USP42: variants seen among roughly 807,000 people sequenced by gnomAD.
USP42 encodes the protein ubiquitin carboxyl-terminal hydrolase 42.
USP42 carries 23 observed loss-of-function variants against 113.0 expected under a neutral mutation model. The ratio of observed to expected loss-of-function variants is 0.20; its 90% CI spans 0.15 to 0.29. The LOEUF is 0.29. USP42 is among the 10% of genes least tolerant of loss of function. The pLI is 1.00. For missense variants in USP42, 2,174 were observed against 1,779.8 expected (o/e 1.22, Z -3.99); for synonymous variants, 933 against 699.0 (o/e 1.33, Z -5.28).
intron 3 of USP42, among the ~76,000 whole-genome samples, chr7:6,119,491 T>A (rs1290982640): frequency 6.6e-6 from 1 of 152,122 alleles, no homozygotes; most frequent in African/African-American, 2.4e-5. Flanking sequence ...AAAAAGTTGT[T>A]CTGGCTCTTC....
upstream of USP42, among the ~76,000 whole-genome samples, chr7:6,102,298 G>C (rs1291642349): frequency 1.0e-4 from 15 of 149,710 alleles, no homozygotes; most frequent in Admixed American, 9.9e-4. Context: ...ATTTTTAGTA[G>C]AGACAGAGTT....
intron 14 of USP42, among the ~76,000 whole-genome samples, chr7:6,153,207 A>T (rs1185613436): frequency 6.6e-6 from 1 of 151,842 alleles, no homozygotes; most frequent in Non-Finnish European, 1.5e-5. Context: ...CAGGAGATGG[A>T]GGTTGCAGGG....
At chr7:6,125,389 C>A (rs774959874) in intron 3 of USP42, among the ~76,000 whole-genome samples, 73 of 152,102 alleles carry the variant, frequency 4.8e-4, no homozygotes, top group Non-Finnish European at 8.8e-4. Context: ...ACTTCGGAGA[C>A]TGAGGTGGGA....
chr7:6,141,087 G>T, intron 7 of USP42, 103 bp downstream of exon 7: 1 of 510,110 alleles, frequency 2.0e-6, no homozygotes. Flanking sequence ...AATATAAATT[G>T]AAAAATTCAA....
chr7:6,139,548 C>G lies in USP42; in HGVS notation c.656+354C>G, dbSNP rs1781332711. ...TTTTCTTTTCTCTGCTGCCCTCCAG[C>G]CTGTGTTTATTTCCTGAACCCCCAC... is the stretch of plus-strand genomic sequence containing the variant. On this transcript the variant is annotated intron_variant, in intron 5 of 17. Coordinates refer to ENST00000306177, the MANE Select transcript of USP42 (RefSeq NM_032172.3). The surrounding 1 kb of genome is among the most constrained non-coding windows in gnomAD (Gnocchi z 4.5). The G allele has an allele frequency of 9.6e-6, 2 of 208,656 alleles. No individual in the cohort carries two copies. The highest frequency in any genetic ancestry group is 1.9e-5 in the Non-Finnish European group (2 of 104,984). 12.9% of individuals were successfully genotyped at this position (208,656 alleles called of 1,614,324 possible). A position where few individuals can be genotyped will look rare whatever the true frequency, so the allele number is the denominator to read the frequency against.
At position 6,138,957 on chromosome 7, in the gene USP42, T is replaced by A. The variant is rs1781304897; in HGVS notation, c.554-135T>A. 3 of 591,102 alleles carry A rather than the reference T, an allele frequency of 5.1e-6. No individual in the cohort carries two copies. In the South Asian group the frequency reaches 7.2e-5, roughly 14 times the overall value. 36.6% of individuals were successfully genotyped at this position (591,102 alleles called of 1,614,324 possible). On this transcript the variant is annotated intron_variant, in intron 4 of 17. Transcript: ENST00000306177. ...TTATAGCTTATATTAGTGGCTTATG[T>A]TAGTGCTATTTCCTCATAAAGTAAG...
chr7:6,123,551 A>G (rs912822939), intron 3 of USP42, among the ~76,000 whole-genome samples: 3 of 150,546 alleles, frequency 2.0e-5, no homozygotes, highest in Non-Finnish European at 4.4e-5. Context: ...AGTCCCAGCT[A>G]CTCGGGAGGC....
chr7:6,092,054 T>TTCTTTCTTCTTC, the USP42 span, among the ~76,000 whole-genome samples: 1 of 37,908 alleles, frequency 2.6e-5, no homozygotes, highest in East Asian at 3.9e-4. Flanking sequence ...CTTCTTCTTC[T>TTCTTTCTTCTTC]TTCTTCTTCT....
At chr7:6,109,580 G>C (rs1254719772) in intron 1 of USP42, among the ~76,000 whole-genome samples, 1 of 151,926 alleles carries the variant, frequency 6.6e-6, no homozygotes, top group Admixed American at 6.6e-5. Flanking sequence ...TTTTAGTAGA[G>C]ATGGGGTTTC....
intron 2 of USP42, among the ~76,000 whole-genome samples, chr7:6,112,988 C>G (rs778947632): frequency 6.8e-6 from 1 of 146,582 alleles, no homozygotes; most frequent in Non-Finnish European, 1.5e-5. Flanking sequence ...ACTGCAATCT[C>G]TGCCTGCTGG....
intron 4 of USP42, among the ~76,000 whole-genome samples, chr7:6,137,799 G>T (rs1383454069): frequency 6.6e-6 from 1 of 152,118 alleles, no homozygotes; most frequent in South Asian, 2.1e-4. Flanking sequence ...TCCTGCGTCA[G>T]CCTCCTGAGT....
At chr7:6,092,137 T>TTCTTCC in the USP42 span, among the ~76,000 whole-genome samples, 1 of 145,528 alleles carries the variant, frequency 6.9e-6, no homozygotes, top group Non-Finnish European at 1.5e-5. Flanking sequence ...CTTCTTCTTC[T>TTCTTCC]TCTTCCTCTT....
At position 6,159,572 on chromosome 7, in the gene USP42, G is replaced by A. The variant is rs879065251; in HGVS notation, c.*36+79G>A. 5 of 1,413,676 alleles carry A rather than the reference G, an allele frequency of 3.5e-6. No homozygotes were observed. Among genetic ancestry groups the A allele is most frequent in the South Asian group, 2.4e-5 (2 of 82,544 alleles). 87.6% of individuals were successfully genotyped at this position (1,413,676 alleles called of 1,614,324 possible). A position where few individuals can be genotyped will look rare whatever the true frequency, so the allele number is the denominator to read the frequency against. On this transcript the variant is annotated intron_variant, in intron 17 of 17. Coordinates refer to ENST00000306177, the MANE Select transcript of USP42 (RefSeq NM_032172.3). This position sits in a 1 kb window ranked among gnomAD's most constrained non-coding sequence, Gnocchi z 4.1. ...GCAGGCAGAGGAGTTTTAATTCTGC[G>A]GCTCTGCCTGGGGGCTGGGCTCATA...
intron 3 of USP42, among the ~76,000 whole-genome samples, chr7:6,125,910 A>G (rs1780518409): frequency 1.3e-5 from 2 of 152,064 alleles, no homozygotes; most frequent in African/African-American, 4.8e-5. Flanking sequence ...TGCACTTGTA[A>G]GAAATAATAT....
At chr7:6,148,745 C>T (rs1288248791) in intron 12 of USP42, among the ~76,000 whole-genome samples, 4 of 152,146 alleles carry the variant, frequency 2.6e-5, no homozygotes, top group Admixed American at 1.3e-4. Context: ...ATCACACACA[C>T]GGTCTAGCTG....
intron 15 of USP42, among the ~76,000 whole-genome samples, chr7:6,155,874 TCA>T (rs1210367768): frequency 9.2e-5 from 14 of 152,106 alleles, no homozygotes; most frequent in Non-Finnish European, 1.9e-4. Context: ...GCTTCAGCCC[TCA>T]GCCTCTGGAG....
At chr7:6,160,381 C>G (rs931134316) in intron 17 of USP42, among the ~76,000 whole-genome samples, 174 bp from the exon 18 acceptor site, 3 of 151,834 alleles carry the variant, frequency 2.0e-5, no homozygotes, top group African/African-American at 7.3e-5. Flanking sequence ...CCTGGCTGAG[C>G]TGCCCGCACC....
chr7:6,136,176 G>T (rs1781137220), intron 4 of USP42, among the ~76,000 whole-genome samples: 1 of 151,840 alleles, frequency 6.6e-6, no homozygotes, highest in South Asian at 2.1e-4. Flanking sequence ...GGCTAATTTT[G>T]TACTTTTAGT....
chr7:6,091,628 T>A, the USP42 span, among the ~76,000 whole-genome samples: 1 of 149,586 alleles, frequency 6.7e-6, no homozygotes, highest in Non-Finnish European at 1.5e-5. Flanking sequence ...TTATTCTTGT[T>A]TTTTTATATT....
Sources: gnomAD v4.1 joint callset for allele counts (sites outside exome capture counted in the v4.1 genomes callset) on GRCh38, gnomAD v4.1.1 for gene constraint, Gnocchi (gnomAD v3.1) non-coding constraint, MANE v1.5 for transcripts, NCBI Gene and HGNC (gene_info 2026-07-23, HGNC 2026-07-21) for gene names.